RRP1: variants seen among roughly 807,000 people sequenced by gnomAD.
RRP1 encodes ribosomal RNA processing 1.
RRP1 carries 37 observed loss-of-function variants against 54.6 expected under a neutral mutation model. That is an observed-to-expected ratio of 0.68 (90% CI 0.52 to 0.89). The LOEUF is 0.89. Ranked by LOEUF, RRP1 falls within the 40% of genes least tolerant of loss-of-function variation. RRP1 has a pLI of 0.00. For missense variants in RRP1, 639 were observed against 612.5 expected, an observed-to-expected ratio of 1.04 and a Z score of -0.46; for synonymous variants, 262 against 244.3, an observed-to-expected ratio of 1.07 and a Z score of -0.67.
intron 10 of RRP1, 102 bp downstream of exon 10, chr21:43,800,716 C>T (rs901764068): frequency 3.2e-5 from 48 of 1,511,364 alleles, no homozygotes; most frequent in Non-Finnish European, 4.3e-5. Context: ...TTCCGCAGCC[C>T]CCGGGGTGAT....
chr21:43,797,381 T>C (rs1356990761), intron 5 of RRP1, 41 bp from the exon 6 acceptor site: 1 of 1,580,732 alleles, frequency 6.3e-7, no homozygotes, highest in Middle Eastern at 2.2e-4. Context: ...GTCTTGGGGC[T>C]CATCGAGGCT....
chr21:43,800,249 G>A (rs976290492), intron 9 of RRP1, among the ~76,000 whole-genome samples: 1 of 152,218 alleles, frequency 6.6e-6, no homozygotes, highest in African/African-American at 2.4e-5. Context: ...GCGGGCGTGT[G>A]CCCTGCAGTG....
chr21:43,803,608 G>C lies in RRP1; in HGVS notation c.1220G>C (p.Gly407Ala). The change falls in exon 13 of 13, where the codon GGT becomes GCT. Residue 407 changes from glycine to alanine, a missense_variant. By Grantham distance (60) the Gly-to-Ala change is moderately conservative. Transcript: ENST00000497547. ...GADPEARAEA[G>A]EQPGTAERAL... Reference sequence around the variant, plus strand: ...GACCCCGAGGCGCGGGCAGAGGCTGGTGAGCAGCCAGGCACAGCTGAGCGG... The same window carrying C: ...GACCCCGAGGCGCGGGCAGAGGCTGCTGAGCAGCCAGGCACAGCTGAGCGG... 1 of 1,551,620 alleles carries C rather than the reference G, an allele frequency of 6.4e-7. No homozygotes were observed. The highest frequency in any genetic ancestry group is 1.2e-5 in the South Asian group (1 of 84,150).
intron 11 of RRP1, among the ~76,000 whole-genome samples, chr21:43,801,146 G>A (rs1286944544): frequency 6.6e-6 from 1 of 152,228 alleles, no homozygotes; most frequent in Admixed American, 6.5e-5. Flanking sequence ...GGGCTCCCAA[G>A]CACTGACCGC....
rs553200029 is a variant in RRP1 at position 43,793,077 on chromosome 21, C to A, written c.275-242C>A. 997 of 562,758 alleles carry A rather than the reference C, an allele frequency of 1.8e-3. 5 individuals are homozygous for A. The highest frequency in any genetic ancestry group is 0.013 in the Middle Eastern group (27 of 2,148). The allele number at this position is 562,758 out of a possible 1,614,324, so 34.9% of individuals were successfully genotyped here. The stretch of plus-strand genomic sequence containing the variant: ...AGTTGATTTTTCTGACTCCTCTGTT[C>A]TCTGGTGACCGGAGTTGAGAAGTTC... On this transcript the variant is annotated intron_variant, in intron 3 of 12. Coordinates refer to ENST00000497547, the MANE Select transcript of RRP1 (RefSeq NM_003683.6).
intron 8 of RRP1, among the ~76,000 whole-genome samples, chr21:43,799,058 A>T (rs1157992117): frequency 6.6e-6 from 1 of 152,032 alleles, no homozygotes; most frequent in Admixed American, 6.6e-5. Flanking sequence ...GACCCTTGTC[A>T]CATGCTGCCC....
chr21:43,802,883 G>A (rs1175374730), intron 12 of RRP1, among the ~76,000 whole-genome samples: 2 of 152,246 alleles, frequency 1.3e-5, no homozygotes, highest in Non-Finnish European at 2.9e-5. Context: ...CCCTGGGTCC[G>A]CGGCAGACCA....
chr21:43,796,851 A>G (rs2123413960), intron 5 of RRP1, among the ~76,000 whole-genome samples: 1 of 152,320 alleles, frequency 6.6e-6, no homozygotes, highest in African/African-American at 2.4e-5. Flanking sequence ...TAGTCTTCAG[A>G]TCCAGGGCCT....
rs763143394 is a variant in RRP1, at chr21:43,798,117, G to T, written c.811+17G>T. 3.8e-6 allele frequency: 6 copies of T among 1,591,578 alleles called. No individual in the cohort carries two copies. The African/African-American group carries it at 6.7e-5, about 18-fold the overall frequency. ...CGCCCGCAGGTGGGGGTCACACTGC[G>T]CCTGGCTTCTCCTCGGGGCCTGTCC... is the stretch of plus-strand genomic sequence containing the variant. On this transcript the variant is annotated intron_variant, in intron 8 of 12. Transcript: ENST00000497547.
chr21:43,794,872 C>G (rs904355389), intron 4 of RRP1, among the ~76,000 whole-genome samples: 2 of 152,320 alleles, frequency 1.3e-5, no homozygotes, highest in South Asian at 4.1e-4. Context: ...CGGACTGTTC[C>G]GTTTCAGCCC....
At position 43,804,209 on chromosome 21, in the gene RRP1, CA is replaced by C. The variant is rs910766695; in HGVS notation, c.*436del. On this transcript the variant is annotated 3_prime_UTR_variant, in exon 13 of 13. Coordinates refer to ENST00000497547, the MANE Select transcript of RRP1 (RefSeq NM_003683.6). This position sits in a 1 kb window ranked among gnomAD's most constrained non-coding sequence, Gnocchi z 4.3. ...ATGTTTGTGGAAAAATCTTGCAAGA[CA>C]TTTCTCCTTTCACAGAACTGCCCAG... is the stretch of plus-strand genomic sequence containing the variant. 1 of 163,644 alleles carries C rather than the reference CA, an allele frequency of 6.1e-6. No individual in the cohort carries two copies. The highest frequency in any genetic ancestry group is 2.4e-5 in the African/African-American group (1 of 41,814). The allele number at this position is 163,644 out of a possible 1,614,324, so 10.1% of individuals were successfully genotyped here.
chr21:43,794,475 A>G (rs973514975), intron 4 of RRP1, among the ~76,000 whole-genome samples: 2 of 151,956 alleles, frequency 1.3e-5, no homozygotes, highest in South Asian at 2.1e-4. Flanking sequence ...GTTGTGGGGG[A>G]TAGGCCTCCT....
Position 43,802,390 on chromosome 21 carries a change from A to G in RRP1, c.1123+3A>G. On this transcript the variant is annotated splice_donor_region_variant and intron_variant, in intron 12 of 12. Transcript: ENST00000497547. ...GCTCAGGTTGCAGCAGGAGAGAGGT[A>G]GGACTAGGGGGTGTGTTAGTCATGG... The G allele has an allele frequency of 6.2e-7, 1 of 1,611,844 alleles. No homozygotes were observed. Among genetic ancestry groups the G allele is most frequent in the Non-Finnish European group, 8.5e-7 (1 of 1,178,150 alleles).
At chr21:43,795,061 G>GAT in intron 4 of RRP1, 128 bp from the exon 5 acceptor site, 1 of 858,054 alleles carries the variant, frequency 1.2e-6, no homozygotes, top group Non-Finnish European at 1.9e-6. Context: ...GGCCGGCTGT[G>GAT]TGCTGGGGCC....
intron 1 of RRP1, chr21:43,790,541 T>TA (rs898804561): frequency 2.5e-5 from 4 of 159,990 alleles, no homozygotes; most frequent in African/African-American, 9.6e-5. Context: ...GCCAGACACA[T>TA]AGGACTTCAG....
At chr21:43,800,452 C>T (rs2085074194) in intron 9 of RRP1, 65 bp from the exon 10 acceptor site, 1 of 1,505,990 alleles carries the variant, frequency 6.6e-7, no homozygotes, top group African/African-American at 1.4e-5. Context: ...CTCAGGGGTT[C>T]CACGTTCTCG....
At position 43,803,979 on chromosome 21, in the gene RRP1, G is replaced by C. The variant is rs1371528552; in HGVS notation, c.*205G>C. 1 of 615,642 alleles carries C rather than the reference G, an allele frequency of 1.6e-6. No individual in the cohort carries two copies. Among genetic ancestry groups the C allele is most frequent in the African/African-American group, 1.9e-5 (1 of 53,498 alleles). 38.1% of individuals were successfully genotyped at this position (615,642 alleles called of 1,614,324 possible). A position where few individuals can be genotyped will look rare whatever the true frequency, so the allele number is the denominator to read the frequency against. On this transcript the variant is annotated 3_prime_UTR_variant, in exon 13 of 13. Transcript: ENST00000497547. ...GGACCTTTCCCCAGAGCCTCCGCCTGTGGCTGTGATGACCTTGGGCCAGAA... is the reference window on the plus strand; with the variant it reads ...GGACCTTTCCCCAGAGCCTCCGCCTCTGGCTGTGATGACCTTGGGCCAGAA...
chr21:43,793,376 A>G lies in RRP1; in HGVS notation c.332A>G (p.Asp111Gly). Residue 111 changes from aspartate (D) to glycine (G), a missense_variant, in exon 4 of 13, where the codon GAC (aspartate) becomes GGC (glycine). Transcript: ENST00000497547. ...QTMNREWTGI[D>G]RLRLDKFYML... The stretch of plus-strand genomic sequence containing the variant: ...ATGAATCGCGAGTGGACGGGCATTG[A>G]CAGGCTGCGCCTGGATAAATTCTAC... 6.2e-7 allele frequency: 1 copy of G among 1,613,874 alleles called. No homozygotes were observed. Among genetic ancestry groups the G allele is most frequent in the Non-Finnish European group, 8.5e-7 (1 of 1,180,006 alleles).
Position 43,800,520 on chromosome 21 carries a change from G to A in RRP1, c.895G>A (p.Asp299Asn), listed in dbSNP as rs772341923. 1 of 1,614,108 alleles carries A rather than the reference G, an allele frequency of 6.2e-7. No homozygotes were observed. The highest frequency in any genetic ancestry group is 8.5e-7 in the Non-Finnish European group (1 of 1,180,030). The stretch of plus-strand genomic sequence containing the variant: ...TGACGTCTCTCTTTTGAAACAGTTT[G>A]ACTACGAGGCAGTTGCTAACAGACT... ...RDSGGPVLQFDYEAVANRLFE... is the reference protein window; with the variant it reads ...RDSGGPVLQFNYEAVANRLFE... The change falls in exon 10 of 13, where the codon GAC (aspartate) becomes AAC (asparagine). Residue 299 changes from aspartate (D) to asparagine (N), a missense_variant. By Grantham distance (23) the Asp-to-Asn change is conservative. Transcript: ENST00000497547.
Sources: allele counts gnomAD v4.1 joint callset (sites outside exome capture counted in the v4.1 genomes callset), GRCh38; gene constraint gnomAD v4.1.1; non-coding constraint Gnocchi (gnomAD v3.1); transcripts MANE v1.5; gene names NCBI Gene and HGNC (gene_info 2026-07-23, HGNC 2026-07-21).